IGF2BP3: variants seen among roughly 807,000 people sequenced by gnomAD.
The protein encoded by IGF2BP3 is insulin-like growth factor 2 mRNA-binding protein 3.
Under a neutral mutation model 73.8 loss-of-function variants are expected in IGF2BP3, and 9 were observed. The ratio of observed to expected loss-of-function variants is 0.12; its 90% CI spans 0.07 to 0.21. The LOEUF (loss-of-function observed/expected upper bound fraction) is 0.21, where lower values mean the gene tolerates loss of function less well. Among genes scored for constraint, IGF2BP3 ranks in the 10% least tolerant of loss-of-function variants. IGF2BP3 has a pLI of 1.00. For synonymous variants in IGF2BP3, 258 were observed against 256.7 expected (o/e 1.01, Z -0.05); for missense variants, 542 against 714.0 (o/e 0.76, Z 2.75).
chr7:23,453,308 A>C (rs983790495), intron 2 of IGF2BP3, among the ~76,000 whole-genome samples: 1 of 152,250 alleles, frequency 6.6e-6, no homozygotes, highest in Non-Finnish European at 1.5e-5. Context: ...TTCCCCTTCT[A>C]CAACTCAAAG....
intron 10 of IGF2BP3, among the ~76,000 whole-genome samples, chr7:23,320,127 G>C (rs530417771): frequency 6.6e-6 from 1 of 151,582 alleles, no homozygotes; most frequent in African/African-American, 2.4e-5. Flanking sequence ...GGCCAGGCTG[G>C]TCTTGAACTC....
chr7:23,396,622 T>A (rs1264160224), intron 3 of IGF2BP3: 1 of 151,952 alleles, frequency 6.6e-6, no homozygotes, highest in Non-Finnish European at 1.5e-5. Context: ...GTGGTAGGAA[T>A]GATGTCTAAA....
intron 2 of IGF2BP3, among the ~76,000 whole-genome samples, chr7:23,443,254 T>C (rs919979025): frequency 6.6e-6 from 1 of 151,624 alleles, no homozygotes; most frequent in African/African-American, 2.4e-5. Flanking sequence ...GCCTCCAGAG[T>C]AGCTGAGATT....
chr7:23,347,853 C>T (rs1026489220), intron 6 of IGF2BP3, 119 bp from the exon 7 acceptor site: 1 of 1,134,588 alleles, frequency 8.8e-7, no homozygotes, highest in Non-Finnish European at 1.2e-6. Flanking sequence ...GACTCACTTC[C>T]CTCAAGAGCA....
At chr7:23,325,592 CA>C (rs550254425) in intron 10 of IGF2BP3, among the ~76,000 whole-genome samples, 193 of 152,148 alleles carry the variant, frequency 1.3e-3, no homozygotes, top group African/African-American at 4.6e-3. Context: ...CATACAGAAC[CA>C]AAAAAGAGCC....
At chr7:23,425,262 A>G (rs1787476061) in intron 2 of IGF2BP3, among the ~76,000 whole-genome samples, 2 of 152,248 alleles carry the variant, frequency 1.3e-5, no homozygotes, top group South Asian at 4.1e-4. Flanking sequence ...TGTTTTCTTC[A>G]CATTTATGTA....
At chr7:23,341,645 G>A (rs1029848556) in intron 10 of IGF2BP3, among the ~76,000 whole-genome samples, 4 of 152,112 alleles carry the variant, frequency 2.6e-5, no homozygotes, top group African/African-American at 9.7e-5. Flanking sequence ...ATTCCAGCCT[G>A]GGCGAAAGAG....
At chr7:23,359,511 A>G (rs1039460663) in intron 5 of IGF2BP3, among the ~76,000 whole-genome samples, 11 of 152,192 alleles carry the variant, frequency 7.2e-5, no homozygotes, top group Non-Finnish European at 1.3e-4. Context: ...ATATTTTCCA[A>G]CAGGGACTTG....
intron 10 of IGF2BP3, among the ~76,000 whole-genome samples, chr7:23,339,986 A>G (rs1483174486): frequency 2.0e-5 from 3 of 152,172 alleles, no homozygotes; most frequent in Non-Finnish European, 4.4e-5. Context: ...TGTAGAAACT[A>G]GAAATGTGTG....
At chr7:23,352,835 A>C (rs1785000597) in intron 5 of IGF2BP3, among the ~76,000 whole-genome samples, 1 of 152,200 alleles carries the variant, frequency 6.6e-6, no homozygotes, top group Non-Finnish European at 1.5e-5. Context: ...ATGAGTATAC[A>C]TGATATGTAT....
chr7:23,345,859 AGTGG>A, intron 8 of IGF2BP3, 77 bp downstream of exon 8: 1 of 1,478,634 alleles, frequency 6.8e-7, no homozygotes, highest in Non-Finnish European at 9.1e-7. Flanking sequence ...GCAGCTGTAA[AGTGG>A]GAAGCTAAGC....
intron 3 of IGF2BP3, among the ~76,000 whole-genome samples, chr7:23,380,805 C>T (rs527277829): frequency 1.2e-4 from 18 of 152,330 alleles, no homozygotes; most frequent in Non-Finnish European, 1.2e-4. Context: ...GATGCAGCTA[C>T]AAGCCAAGGA....
At chr7:23,393,466 T>C (rs186647653) in intron 3 of IGF2BP3, among the ~76,000 whole-genome samples, 5 of 152,222 alleles carry the variant, frequency 3.3e-5, no homozygotes, top group Admixed American at 3.3e-4. Context: ...ATAAGCACAG[T>C]TTAGACCTGT....
intron 2 of IGF2BP3, among the ~76,000 whole-genome samples, chr7:23,426,370 G>A (rs1787511516): frequency 7.1e-6 from 1 of 140,616 alleles, no homozygotes; most frequent in Non-Finnish European, 1.5e-5. Flanking sequence ...GCCAGAAATG[G>A]TTGGGGGGAA....
intron 2 of IGF2BP3, among the ~76,000 whole-genome samples, chr7:23,459,216 A>C (rs546617815): frequency 6.6e-6 from 1 of 152,188 alleles, no homozygotes; most frequent in African/African-American, 2.4e-5. Context: ...CTGATCTAAC[A>C]TATCACCCAG....
At chr7:23,450,814 AG>A in intron 2 of IGF2BP3, 1 of 152,242 alleles carries the variant, frequency 6.6e-6, no homozygotes, top group East Asian at 1.9e-4. Flanking sequence ...CCAAGGCACA[AG>A]GATCACTTGA....
chr7:23,346,654 G>A (rs1424168708), intron 7 of IGF2BP3, among the ~76,000 whole-genome samples: 4 of 150,972 alleles, frequency 2.6e-5, no homozygotes, highest in Admixed American at 6.6e-5. Flanking sequence ...GTGCAGTGGC[G>A]CGATCTCGGC....
chr7:23,313,587 G>C lies in IGF2BP3; in HGVS notation c.1462C>G (p.Leu488Val). The C allele has an allele frequency of 6.2e-7, 1 of 1,613,960 alleles. No homozygotes were observed. Among genetic ancestry groups the C allele is most frequent in the Non-Finnish European group, 8.5e-7 (1 of 1,179,972 alleles). Residue 488 changes from leucine (L) to valine (V), a missense_variant, in exon 13 of 15, where the codon CTT (leucine) becomes GTT (valine). Physicochemically the swap from Leu to Val is conservative, Grantham distance 32. Around this residue, in one of 2 missense-constraint regions of IGF2BP3, gnomAD observed 303 missense variants for 472.1 expected, o/e 0.64. Transcript: ENST00000258729. ...GATGGCACTCTGATATGAGCTTCAA[G>C]TTTCACCTCTTCTTTAGGACTAACA... ...NFVSPKEEVK[L>V]EAHIRVPSFA...
chr7:23,435,512 G>A (rs1460677197), intron 2 of IGF2BP3, among the ~76,000 whole-genome samples: 1 of 151,188 alleles, frequency 6.6e-6, no homozygotes, highest in Non-Finnish European at 1.5e-5. Context: ...GGAGTGCAGG[G>A]GCATGATCTC....
Sources: allele counts gnomAD v4.1 joint callset (sites outside exome capture counted in the v4.1 genomes callset), GRCh38; gene constraint gnomAD v4.1.1; regional missense constraint gnomAD v4.1.1; transcripts MANE v1.5; gene names NCBI Gene and HGNC (gene_info 2026-07-23, HGNC 2026-07-21).